Variants in CPNE8 observed in about 807,000 individuals in gnomAD.
The protein encoded by CPNE8 is copine-8.
CPNE8 carries 45 observed loss-of-function variants against 81.5 expected under a neutral mutation model. That is an observed-to-expected ratio of 0.55 (90% CI 0.44 to 0.71). The LOEUF (loss-of-function observed/expected upper bound fraction) is 0.71, where lower values mean the gene tolerates loss of function less well. CPNE8 is among the 30% of genes least tolerant of loss of function. The pLI is 0.00. For missense variants in CPNE8, 594 were observed against 672.1 expected, an observed-to-expected ratio of 0.88 and a Z score of 1.28; for synonymous variants, 252 against 226.3, an observed-to-expected ratio of 1.11 and a Z score of -1.02.
intron 6 of CPNE8, among the ~76,000 whole-genome samples, chr12:38,789,245 A>G (rs539921584): frequency 3.3e-5 from 5 of 152,072 alleles, no homozygotes; most frequent in Admixed American, 6.6e-5. Context: ...TACTGGCATA[A>G]AAGTAGACAC....
chr12:38,882,291 T>C (rs1688789361), intron 1 of CPNE8, among the ~76,000 whole-genome samples: 1 of 152,064 alleles, frequency 6.6e-6, no homozygotes, highest in African/African-American at 2.4e-5. Context: ...GATTTTGGCC[T>C]TGAAGATTAG....
At chr12:38,767,848 T>C (rs1191400488) in intron 7 of CPNE8, 110 bp from the exon 8 acceptor site, 8 of 604,324 alleles carry the variant, frequency 1.3e-5, no homozygotes, top group Non-Finnish European at 1.9e-5. Flanking sequence ...TTAATGCAAA[T>C]GGCCAAGTTT....
At chr12:38,813,937 A>C (rs1942978933) in intron 6 of CPNE8, among the ~76,000 whole-genome samples, 1 of 152,178 alleles carries the variant, frequency 6.6e-6, no homozygotes, top group South Asian at 2.1e-4. Flanking sequence ...AACTGCAAGC[A>C]CCTGGGGTAC....
At position 38,787,253 on chromosome 12, in the gene CPNE8, C is replaced by T. The variant is rs73273200; in HGVS notation, c.408-10952G>A. ...TTCAAAAAATTGAAATAATATTAAGCATTTTCTCTGACTACAATGTAATAA... is the reference window on the plus strand; with the variant it reads ...TTCAAAAAATTGAAATAATATTAAGTATTTTCTCTGACTACAATGTAATAA... On this transcript the variant is annotated intron_variant, in intron 6 of 19. Transcript: ENST00000331366. Among the ~76,000 whole-genome samples the T allele has an allele frequency of 7.2e-3, 1,089 of 151,950 alleles. 11 individuals carry two copies. The highest frequency in any genetic ancestry group is 0.026 in the African/African-American group (1,062 of 41,470).
At chr12:38,876,866 G>A (rs888852839) in intron 1 of CPNE8, among the ~76,000 whole-genome samples, 4 of 152,184 alleles carry the variant, frequency 2.6e-5, no homozygotes. Flanking sequence ...ACCAGTGATT[G>A]TTAAAATGCA....
chr12:38,678,159 C>T (rs1416933962), intron 16 of CPNE8, among the ~76,000 whole-genome samples: 1 of 151,912 alleles, frequency 6.6e-6, no homozygotes, highest in Non-Finnish European at 1.5e-5. Context: ...GAAAATTTCA[C>T]CTCAATAAAA....
At chr12:38,739,758 T>C (rs1941046681) in intron 10 of CPNE8, among the ~76,000 whole-genome samples, 1 of 152,118 alleles carries the variant, frequency 6.6e-6, no homozygotes, top group African/African-American at 2.4e-5. Flanking sequence ...TCTTGGAAAA[T>C]AAAAATGCAG....
chr12:38,902,311 G>C (rs531902675), intron 1 of CPNE8, among the ~76,000 whole-genome samples: 1 of 32,638 alleles, frequency 3.1e-5, no homozygotes, highest in Non-Finnish European at 5.8e-5. Flanking sequence ...AAGGAAGGAA[G>C]GAAGGAAAGA....
At position 38,780,579 on chromosome 12, in the gene CPNE8, T is replaced by C. The variant is rs1942029114; in HGVS notation, c.408-4278A>G. ...ATGGAAAAACGTGAGAGATGAAGAATATATCTCCAGAGGAACCAGACAGAA... is the reference window on the plus strand; with the variant it reads ...ATGGAAAAACGTGAGAGATGAAGAACATATCTCCAGAGGAACCAGACAGAA... On this transcript the variant is annotated intron_variant, in intron 6 of 19. Transcript: ENST00000331366. Among the ~76,000 whole-genome samples the C allele has an allele frequency of 2.0e-5, 3 of 151,962 alleles. No individual in the cohort carries two copies. The South Asian group carries it at 6.2e-4, about 32-fold the overall frequency.
intron 3 of CPNE8, among the ~76,000 whole-genome samples, chr12:38,868,339 C>T (rs1038219925): frequency 5.3e-5 from 8 of 152,066 alleles, no homozygotes; most frequent in African/African-American, 9.7e-5. Context: ...CATTTAAAAA[C>T]TATTAATAAA....
At chr12:38,898,819 G>A (rs775831504) in intron 1 of CPNE8, among the ~76,000 whole-genome samples, 7 of 152,134 alleles carry the variant, frequency 4.6e-5, no homozygotes, top group Non-Finnish European at 1.0e-4. Flanking sequence ...ACTCTCTCTT[G>A]GAATCTAACT....
intron 6 of CPNE8, among the ~76,000 whole-genome samples, chr12:38,802,640 G>C (rs895294498): frequency 6.6e-6 from 1 of 151,040 alleles, no homozygotes; most frequent in African/African-American, 2.4e-5. Flanking sequence ...CTGGCAGAAG[G>C]CAAGAAATAA....
At position 38,664,949 on chromosome 12, in the gene CPNE8, A is replaced by C. The variant is rs191380595; in HGVS notation, c.1506+5780T>G. Among the ~76,000 whole-genome samples, 3 of 152,234 alleles carry C rather than the reference A, an allele frequency of 2.0e-5. No homozygotes were observed. In the East Asian group the frequency reaches 5.8e-4, roughly 29 times the overall value. On this transcript the variant is annotated intron_variant, in intron 19 of 19. Transcript: ENST00000331366. ...TCCTTCATCCCACACTTATATTTGGAGTAGGATTAAAAAAAAGTCACTAGC... is the reference window on the plus strand; with the variant it reads ...TCCTTCATCCCACACTTATATTTGGCGTAGGATTAAAAAAAAGTCACTAGC...
intron 4 of CPNE8, 69 bp downstream of exon 4, chr12:38,848,490 C>CAGTGCAACTCAGTGCAA: frequency 6.8e-7 from 1 of 1,473,854 alleles, no homozygotes; most frequent in Non-Finnish European, 9.0e-7. Context: ...ACCATAGGAC[C>CAGTGCAACTCAGTGCAA]CTGCCTTACA....
chr12:38,847,997 A>G (rs1197374564), intron 4 of CPNE8, among the ~76,000 whole-genome samples: 5 of 152,280 alleles, frequency 3.3e-5, no homozygotes, highest in Non-Finnish European at 1.5e-5. Context: ...AAACTCTATA[A>G]TAATATAAAC....
chr12:38,797,413 A>G (rs986970263), intron 6 of CPNE8, among the ~76,000 whole-genome samples: 4 of 152,142 alleles, frequency 2.6e-5, no homozygotes, highest in Admixed American at 2.0e-4. Flanking sequence ...TTCTGCAGAC[A>G]CGGCTGCGGA....
intron 15 of CPNE8, among the ~76,000 whole-genome samples, chr12:38,693,313 C>T (rs1939720832): frequency 6.6e-6 from 1 of 151,938 alleles, no homozygotes; most frequent in Admixed American, 6.6e-5. Context: ...GCGCTGTCTC[C>T]CATTATATTC....
intron 10 of CPNE8, among the ~76,000 whole-genome samples, chr12:38,733,843 C>T (rs902704846): frequency 6.6e-6 from 1 of 151,886 alleles, no homozygotes; most frequent in Admixed American, 6.6e-5. Context: ...TTTCTATGCT[C>T]CATTAATAGT....
intron 13 of CPNE8, among the ~76,000 whole-genome samples, chr12:38,717,435 A>G (rs1404215198): frequency 1.6e-5 from 2 of 126,006 alleles, no homozygotes; most frequent in Admixed American, 1.5e-4. Context: ...TGGTGTATAT[A>G]TATATATATA....
Sources: gnomAD v4.1 joint callset for allele counts (sites outside exome capture counted in the v4.1 genomes callset) on GRCh38, gnomAD v4.1.1 for gene constraint, MANE v1.5 for transcripts, NCBI Gene and HGNC (gene_info 2026-07-23, HGNC 2026-07-21) for gene names.